The following SPOCK1 variants were observed in gnomAD, a reference collection of about 807,000 sequenced individuals.
The protein encoded by SPOCK1 is SPARC (osteonectin), cwcv and kazal like domains proteoglycan 1.
A neutral mutation model predicts 55.3 loss-of-function variants in SPOCK1; 23 were observed. That is an observed-to-expected ratio of 0.42 (90% CI 0.30 to 0.59). SPOCK1 has a LOEUF of 0.59. SPOCK1 is among the 20% of genes least tolerant of loss of function. The probability of loss-of-function intolerance (pLI) is 0.22; values close to 1 mark genes in which losing one functional copy is unlikely to be tolerated. For missense variants in SPOCK1, 499 were observed against 552.5 expected (o/e 0.90, Z 0.97); for synonymous variants, 226 against 221.0 (o/e 1.02, Z -0.20).
intron 2 of SPOCK1, among the ~76,000 whole-genome samples, chr5:137,381,078 A>C (rs77190639): frequency 6.8e-6 from 1 of 147,524 alleles, no homozygotes. Flanking sequence ...GAAATTGGCC[A>C]AAAAAAAAAG....
chr5:137,401,930 G>C (rs1751992425), intron 2 of SPOCK1, among the ~76,000 whole-genome samples: 1 of 152,090 alleles, frequency 6.6e-6, no homozygotes, highest in Non-Finnish European at 1.5e-5. Context: ...AAAGCTAAAG[G>C]TGTTTTTACT....
At chr5:137,054,497 G>A (rs1752267010) in intron 6 of SPOCK1, among the ~76,000 whole-genome samples, 1 of 152,212 alleles carries the variant, frequency 6.6e-6, no homozygotes, top group Admixed American at 6.5e-5. Context: ...GGCAGCACAT[G>A]TGGCAGAGGC....
rs146369048 is a variant in SPOCK1 at position 137,492,275 on chromosome 5, C to T, written c.186+6098G>A. On this transcript the variant is annotated intron_variant, in intron 2 of 10. Coordinates refer to ENST00000394945, the MANE Select transcript of SPOCK1 (RefSeq NM_004598.4). Reference sequence around the variant, plus strand: ...TGACGGAGGAATGGGTGCCTAACGCCGGGAAATCTGACAAGTCTCAGTTCT... The same window carrying T: ...TGACGGAGGAATGGGTGCCTAACGCTGGGAAATCTGACAAGTCTCAGTTCT... Among the ~76,000 whole-genome samples the T allele has an allele frequency of 9.3e-4, 142 of 152,244 alleles. 3 individuals are homozygous for T. The highest frequency in any genetic ancestry group is 6.8e-3 in the Middle Eastern group (2 of 294).
At chr5:137,441,158 C>T (rs1752997846) in intron 2 of SPOCK1, among the ~76,000 whole-genome samples, 1 of 152,322 alleles carries the variant, frequency 6.6e-6, no homozygotes, top group South Asian at 2.1e-4. Context: ...AAGAAACTCA[C>T]CAACAGCCAC....
At chr5:136,992,423 T>G in intron 7 of SPOCK1, 61 bp downstream of exon 7, 2 of 1,291,708 alleles carry the variant, frequency 1.5e-6, no homozygotes, top group Non-Finnish European at 2.1e-6. Flanking sequence ...CCAAATGATA[T>G]TGCTAACCCT....
chr5:137,154,262 G>A (rs1407305195), intron 3 of SPOCK1, among the ~76,000 whole-genome samples: 1 of 152,172 alleles, frequency 6.6e-6, no homozygotes, highest in East Asian at 1.9e-4. Context: ...ACTCCAGCCT[G>A]GGCAACAAGA....
intron 2 of SPOCK1, among the ~76,000 whole-genome samples, chr5:137,398,314 T>TGAGGCA (rs1751900374): frequency 6.6e-6 from 1 of 152,140 alleles, no homozygotes; most frequent in Admixed American, 6.5e-5. Flanking sequence ...TAAAGCGGCA[T>TGAGGCA]GAGGCAGAGG....
chr5:137,033,573 G>A (rs1751825265), intron 6 of SPOCK1, among the ~76,000 whole-genome samples: 1 of 151,996 alleles, frequency 6.6e-6, no homozygotes, highest in Admixed American at 6.5e-5. Flanking sequence ...TCTCCCCACT[G>A]GTAGCTCTGT....
At chr5:137,327,863 T>A (rs1280272982) in intron 2 of SPOCK1, among the ~76,000 whole-genome samples, 2 of 152,062 alleles carry the variant, frequency 1.3e-5, no homozygotes, top group Admixed American at 6.6e-5. Flanking sequence ...CTTCCTAACA[T>A]GGGAAATAAT....
intron 2 of SPOCK1, among the ~76,000 whole-genome samples, chr5:137,468,027 T>C (rs1365601177): frequency 3.3e-5 from 5 of 152,196 alleles, no homozygotes; most frequent in African/African-American, 9.6e-5. Context: ...CTTCAGGGCT[T>C]AGAATTATTT....
At chr5:137,335,723 C>A (rs1750256877) in intron 2 of SPOCK1, among the ~76,000 whole-genome samples, 1 of 152,224 alleles carries the variant, frequency 6.6e-6, no homozygotes. Context: ...AAGGGTCAGG[C>A]CTTGCACAGG....
chr5:137,034,007 C>G (rs778170361), intron 6 of SPOCK1, among the ~76,000 whole-genome samples: 1 of 152,236 alleles, frequency 6.6e-6, no homozygotes, highest in Non-Finnish European at 1.5e-5. Flanking sequence ...TCCATGAGAG[C>G]AGAACCCTTT....
chr5:137,341,134 A>C (rs1750414429), intron 2 of SPOCK1, among the ~76,000 whole-genome samples: 1 of 152,244 alleles, frequency 6.6e-6, no homozygotes. Context: ...TCCAGGCCAC[A>C]GTCTCCCCAA....
intron 2 of SPOCK1, among the ~76,000 whole-genome samples, chr5:137,421,689 GT>G (rs1484838304): frequency 1.3e-5 from 2 of 152,122 alleles, no homozygotes; most frequent in Non-Finnish European, 1.5e-5. Context: ...GCCTATGTGT[GT>G]CTCTGCATAT....
intron 2 of SPOCK1, among the ~76,000 whole-genome samples, chr5:137,469,764 G>A (rs1319490765): frequency 6.6e-6 from 1 of 152,156 alleles, no homozygotes. Flanking sequence ...TCTTGTCATG[G>A]ACCTCCATCA....
chr5:137,403,733 A>G (rs920725856), intron 2 of SPOCK1, among the ~76,000 whole-genome samples: 3 of 151,990 alleles, frequency 2.0e-5, no homozygotes, highest in Non-Finnish European at 2.9e-5. Flanking sequence ...TGTTCAAAAA[A>G]CAGCAAGGGG....
chr5:137,420,713 G>T (rs1752469957), intron 2 of SPOCK1, among the ~76,000 whole-genome samples: 1 of 152,050 alleles, frequency 6.6e-6, no homozygotes, highest in Non-Finnish European at 1.5e-5. Context: ...CTTGCTAGTG[G>T]TCTATCAATT....
chr5:137,013,999 C>T (rs571864248), intron 6 of SPOCK1, among the ~76,000 whole-genome samples: 1 of 152,206 alleles, frequency 6.6e-6, no homozygotes, highest in East Asian at 1.9e-4. Context: ...TTTGTCCTTG[C>T]CCAAATCTAT....
intron 2 of SPOCK1, among the ~76,000 whole-genome samples, chr5:137,406,939 T>C (rs1189725306): frequency 6.6e-6 from 1 of 152,210 alleles, no homozygotes; most frequent in Non-Finnish European, 1.5e-5. Context: ...TATAATTTTA[T>C]ATTGAGGACA....
Sources: gnomAD v4.1 joint callset for allele counts (sites outside exome capture counted in the v4.1 genomes callset) on GRCh38, gnomAD v4.1.1 for gene constraint, MANE v1.5 for transcripts, NCBI Gene and HGNC (gene_info 2026-07-23, HGNC 2026-07-21) for gene names.